BBX: variants seen among roughly 807,000 people sequenced by gnomAD.
BBX encodes the protein BBX high mobility group box domain containing.
BBX carries 30 observed loss-of-function variants against 100.2 expected under a neutral mutation model. The ratio of observed to expected loss-of-function variants is 0.30; its 90% CI spans 0.22 to 0.41. BBX has a LOEUF of 0.41. Ranked by LOEUF, BBX falls within the 10% of genes least tolerant of loss-of-function variation. The pLI, the probability that BBX is intolerant of heterozygous loss-of-function variation, is 1.00. For missense variants in BBX, 1,023 were observed against 1,129.8 expected (o/e 0.91, Z 1.35); for synonymous variants, 376 against 388.1 (o/e 0.97, Z 0.37).
intron 16 of BBX, among the ~76,000 whole-genome samples, 183 bp downstream of exon 16, chr3:107,798,903 C>T (rs1026299772): frequency 2.0e-5 from 3 of 150,176 alleles, no homozygotes; most frequent in African/African-American, 4.9e-5. Context: ...GTAATCCCAA[C>T]GCTTTAGGAG....
chr3:107,548,471 G>A (rs2049406209), intron 2 of BBX, among the ~76,000 whole-genome samples: 1 of 152,072 alleles, frequency 6.6e-6, no homozygotes, highest in South Asian at 2.1e-4. Flanking sequence ...AGATGTTTTG[G>A]GAGATGTTTG....
At chr3:107,558,796 A>G (rs2050269261) in intron 2 of BBX, among the ~76,000 whole-genome samples, 2 of 152,216 alleles carry the variant, frequency 1.3e-5, no homozygotes, top group African/African-American at 2.4e-5. Context: ...ACCGGAGTCC[A>G]TCTTTCTAAC....
At chr3:107,727,893 TGAA>T (rs1390961594) in intron 5 of BBX, among the ~76,000 whole-genome samples, 2 of 152,180 alleles carry the variant, frequency 1.3e-5, no homozygotes, top group Non-Finnish European at 2.9e-5. Flanking sequence ...TAATAAAAAT[TGAA>T]GAATATGTGG....
At chr3:107,720,866 T>A (rs2062478657) in intron 5 of BBX, among the ~76,000 whole-genome samples, 1 of 152,076 alleles carries the variant, frequency 6.6e-6, no homozygotes, top group Non-Finnish European at 1.5e-5. Flanking sequence ...ATTCATTCCC[T>A]TATTTTGGGT....
At chr3:107,741,814 T>G (rs1343072216) in intron 7 of BBX, among the ~76,000 whole-genome samples, 2 of 152,224 alleles carry the variant, frequency 1.3e-5, no homozygotes, top group African/African-American at 4.8e-5. Flanking sequence ...ATGACATTAC[T>G]CAAATGGGAG....
chr3:107,791,042 T>C (rs191186935), intron 14 of BBX, among the ~76,000 whole-genome samples, 198 bp from the exon 15 acceptor site: 13 of 152,344 alleles, frequency 8.5e-5, no homozygotes, highest in Admixed American at 2.6e-4. Flanking sequence ...AAAAATTTTA[T>C]TTTTAATCCA....
intron 8 of BBX, among the ~76,000 whole-genome samples, chr3:107,746,202 T>C (rs1456134936): frequency 2.0e-5 from 3 of 152,172 alleles, no homozygotes; most frequent in Non-Finnish European, 4.4e-5. Context: ...TCCCCTTATA[T>C]AAATTGTTTA....
intron 2 of BBX, among the ~76,000 whole-genome samples, chr3:107,585,131 T>G (rs1473268691): frequency 6.6e-6 from 1 of 151,926 alleles, no homozygotes; most frequent in East Asian, 1.9e-4. Context: ...GAATGTCCAG[T>G]CAGTAATCCA....
At chr3:107,768,293 G>A (rs2066559372) in intron 10 of BBX, among the ~76,000 whole-genome samples, 1 of 152,204 alleles carries the variant, frequency 6.6e-6, no homozygotes, top group Non-Finnish European at 1.5e-5. Context: ...GTAAGAGAAT[G>A]CTGTTGGCAT....
At chr3:107,529,697 C>A (rs567165877) in intron 2 of BBX, among the ~76,000 whole-genome samples, 1 of 152,178 alleles carries the variant, frequency 6.6e-6, no homozygotes, top group East Asian at 1.9e-4. Context: ...ATTACAACTT[C>A]GCTCAATGTT....
intron 2 of BBX, among the ~76,000 whole-genome samples, chr3:107,537,423 T>C (rs894190821): frequency 6.6e-6 from 1 of 152,234 alleles, no homozygotes; most frequent in African/African-American, 2.4e-5. Flanking sequence ...CTGATACTTT[T>C]AGTTAAATAA....
chr3:107,782,564 A>G (rs780125109), intron 13 of BBX, among the ~76,000 whole-genome samples: 1 of 152,056 alleles, frequency 6.6e-6, no homozygotes, highest in African/African-American at 2.4e-5. Flanking sequence ...TGCTAGGCTC[A>G]TGCTGAAGTG....
chr3:107,732,680 G>A (rs960158831), intron 6 of BBX, among the ~76,000 whole-genome samples: 51 of 152,284 alleles, frequency 3.3e-4, no homozygotes, highest in African/African-American at 1.2e-3. Flanking sequence ...CATTGCATTA[G>A]GAGATAAATT....
At chr3:107,794,581 A>C (rs1453947443) in intron 15 of BBX, among the ~76,000 whole-genome samples, 1 of 152,160 alleles carries the variant, frequency 6.6e-6, no homozygotes, top group Non-Finnish European at 1.5e-5. Context: ...ATCTAACTCG[A>C]TCTCTTTTCT....
rs1158136233 is a variant in BBX, at chr3:107,795,613, C to CTTTTTTT, written c.2354-2891_2354-2885dup. Among the ~76,000 whole-genome samples, 19 of 60,032 alleles carry CTTTTTTT rather than the reference C, an allele frequency of 3.2e-4. 1 individual carries two copies. The highest frequency in any genetic ancestry group is 4.4e-4 in the East Asian group (1 of 2,274). The allele number at this position is 60,032 out of a possible 152,430, so 39.4% of individuals were successfully genotyped here. On this transcript the variant is annotated intron_variant, in intron 15 of 17. Transcript: ENST00000325805. ...AACTTATGAGAACCTCCGACGTAGT[C>CTTTTTTT]TTTTTTTTTTTTTTTTTTTTTTTTT...
intron 2 of BBX, among the ~76,000 whole-genome samples, chr3:107,560,512 G>T (rs2050410190): frequency 6.6e-6 from 1 of 152,142 alleles, no homozygotes; most frequent in Admixed American, 6.5e-5. Flanking sequence ...TTTCAGTTTA[G>T]ATAATTCACA....
intron 13 of BBX, among the ~76,000 whole-genome samples, chr3:107,780,432 G>T (rs1204153347): frequency 6.6e-6 from 1 of 151,990 alleles, no homozygotes; most frequent in Non-Finnish European, 1.5e-5. Flanking sequence ...GGTCTTAGTT[G>T]TCTGTACGAT....
chr3:107,538,341 CG>C (rs1559787385), intron 2 of BBX, among the ~76,000 whole-genome samples: 1 of 152,068 alleles, frequency 6.6e-6, no homozygotes, highest in East Asian at 1.9e-4. Context: ...CCTGGTCTCA[CG>C]TATATGGTGA....
chr3:107,712,184 C>T (rs2061767977), intron 4 of BBX, among the ~76,000 whole-genome samples: 1 of 152,152 alleles, frequency 6.6e-6, no homozygotes, highest in South Asian at 2.1e-4. Context: ...GCCCCTCTTT[C>T]TATTTCTACC....
Sources: allele counts gnomAD v4.1 joint callset (sites outside exome capture counted in the v4.1 genomes callset), GRCh38; gene constraint gnomAD v4.1.1; transcripts MANE v1.5; gene names NCBI Gene and HGNC (gene_info 2026-07-23, HGNC 2026-07-21).